The following LMX1B variants were observed in gnomAD, a reference collection of about 807,000 sequenced individuals.
LMX1B encodes LIM homeobox transcription factor 1-beta.
In LMX1B, 12 loss-of-function variants were observed where a neutral mutation model predicts 51.4. That is an observed-to-expected ratio of 0.23 (90% confidence interval 0.15 to 0.38). LMX1B has a LOEUF of 0.38. Ranked by LOEUF, LMX1B falls within the 10% of genes least tolerant of loss-of-function variation. The probability of loss-of-function intolerance (pLI) is 1.00; values close to 1 mark genes in which losing one functional copy is unlikely to be tolerated. For synonymous variants in LMX1B, 237 were observed against 235.4 expected (o/e 1.01, Z -0.06); for missense variants, 445 against 571.1 (o/e 0.78, Z 2.25).
At position 126,693,335 on chromosome 9, in the gene LMX1B, CCGG is replaced by C. The variant is rs2030207243; in HGVS notation, c.741+13_741+15del. The C allele has an allele frequency of 1.9e-6, 3 of 1,584,796 alleles. No homozygotes were observed. The highest frequency in any genetic ancestry group is 1.4e-5 in the African/African-American group (1 of 74,054). ...AGCCTTGCCGAAAGGTGAGGGGCGG[CCGG>C]GGGGCGGGGCTCAGGCTGATGCCCG... On this transcript the variant is annotated intron_variant, in intron 4 of 7. Coordinates refer to ENST00000373474, the MANE Select transcript of LMX1B (RefSeq NM_001174147.2).
At chr9:126,638,778 C>G (rs1481830522) in intron 2 of LMX1B, among the ~76,000 whole-genome samples, 1 of 152,120 alleles carries the variant, frequency 6.6e-6, no homozygotes, top group Non-Finnish European at 1.5e-5. Flanking sequence ...CACGGGCCGG[C>G]GGCGCGGGCG....
intron 2 of LMX1B, among the ~76,000 whole-genome samples, chr9:126,621,883 C>T (rs1835420678): frequency 6.6e-6 from 1 of 152,106 alleles, no homozygotes; most frequent in East Asian, 1.9e-4. Flanking sequence ...TAAGGGGCCA[C>T]TGTGCTCGGA....
chr9:126,699,975 GGGCAGGGGGAGTCTT>G lies in LMX1B; in HGVS notation c.*3529_*3543del, dbSNP rs975873001. 1.2e-4 allele frequency: 19 copies of G among 152,250 alleles called. No individual in the cohort carries two copies. The highest frequency in any genetic ancestry group is 2.4e-4 in the Non-Finnish European group (16 of 68,068). The allele number at this position is 152,250 out of a possible 1,614,324, so 9.4% of individuals were successfully genotyped here. Reference sequence around the variant, plus strand: ...TCCAGAGCAAAAGAGAATGAGAGGTGGGCAGGGGGAGTCTTGGCAAAAGACCAAGTTCCACTTCCC... The same window carrying G: ...TCCAGAGCAAAAGAGAATGAGAGGTGGGCAAAAGACCAAGTTCCACTTCCC... On this transcript the variant is annotated 3_prime_UTR_variant, in exon 8 of 8. Transcript: ENST00000373474.
At chr9:126,634,609 C>A (rs560232529) in intron 2 of LMX1B, among the ~76,000 whole-genome samples, 3 of 152,176 alleles carry the variant, frequency 2.0e-5, no homozygotes, top group East Asian at 3.9e-4. Flanking sequence ...CACACCCCCC[C>A]CACAATGCCA....
At chr9:126,662,348 C>G (rs1836262171) in intron 2 of LMX1B, among the ~76,000 whole-genome samples, 1 of 152,156 alleles carries the variant, frequency 6.6e-6, no homozygotes, top group Non-Finnish European at 1.5e-5. Context: ...CATTACTATA[C>G]CTTCTCAGGA....
chr9:126,647,909 G>A (rs1261617289), intron 2 of LMX1B, among the ~76,000 whole-genome samples: 1 of 152,228 alleles, frequency 6.6e-6, no homozygotes. Flanking sequence ...TCTCCCCAGA[G>A]ATCCGACATC....
intron 2 of LMX1B, among the ~76,000 whole-genome samples, chr9:126,639,590 A>G (rs1014556946): frequency 1.3e-5 from 2 of 152,202 alleles, no homozygotes; most frequent in Non-Finnish European, 2.9e-5. Context: ...CCCAACAATA[A>G]TAATCCCAGC....
rs762958008 is a variant in LMX1B, at chr9:126,677,454, G to T, written c.327-13382G>T. Among the ~76,000 whole-genome samples, 1 of 152,188 alleles carries T rather than the reference G, an allele frequency of 6.6e-6. No homozygotes were observed. The highest frequency in any genetic ancestry group is 1.5e-5 in the Non-Finnish European group (1 of 68,030). On this transcript the variant is annotated intron_variant, in intron 2 of 7. Transcript: ENST00000373474. This position sits in a 1 kb window ranked among gnomAD's most constrained non-coding sequence, Gnocchi z 5.0. ...AAAAGCCCGGCACAACAGGTCACTG[G>T]CTAGAAGCAGGTATCAGGCTCCCAA...
chr9:126,682,961 T>C (rs1836704248), intron 2 of LMX1B, among the ~76,000 whole-genome samples: 1 of 145,662 alleles, frequency 6.9e-6, no homozygotes, highest in South Asian at 2.2e-4. Context: ...CATGTGGGCC[T>C]CCCTGGCCAG....
intron 2 of LMX1B, among the ~76,000 whole-genome samples, chr9:126,683,651 C>G (rs1836719248): frequency 6.6e-6 from 1 of 152,220 alleles, no homozygotes; most frequent in African/African-American, 2.4e-5. Context: ...CGCTTACTGT[C>G]CGACATGCTC....
intron 2 of LMX1B, among the ~76,000 whole-genome samples, chr9:126,644,052 A>G (rs2118887235): frequency 6.6e-6 from 1 of 152,270 alleles, no homozygotes; most frequent in South Asian, 2.1e-4. Flanking sequence ...GCCCAGCAGC[A>G]GAGAGGAGAA....
chr9:126,689,303 G>A (rs1431924765), intron 2 of LMX1B, among the ~76,000 whole-genome samples: 1 of 152,230 alleles, frequency 6.6e-6, no homozygotes, highest in East Asian at 1.9e-4. Context: ...GGGCGGTTCT[G>A]ACGGCAGCTC....
At chr9:126,623,180 CTG>C in intron 2 of LMX1B, among the ~76,000 whole-genome samples, 1 of 152,310 alleles carries the variant, frequency 6.6e-6, no homozygotes. Context: ...GGTTGGGAGC[CTG>C]TGTTTTTATT....
intron 2 of LMX1B, among the ~76,000 whole-genome samples, chr9:126,688,430 G>C (rs1490494031): frequency 6.6e-6 from 1 of 152,234 alleles, no homozygotes. Flanking sequence ...GCAGCGACAC[G>C]GCCAGTGTCT....
intron 2 of LMX1B, 108 bp from the exon 3 acceptor site, chr9:126,690,728 C>T (rs1004969408): frequency 7.5e-6 from 7 of 937,438 alleles, no homozygotes; most frequent in Non-Finnish European, 1.2e-5. Flanking sequence ...CTCTCCCTCC[C>T]ACCTGGGCCT....
At chr9:126,686,013 T>C (rs1279978686) in intron 2 of LMX1B, among the ~76,000 whole-genome samples, 2 of 152,248 alleles carry the variant, frequency 1.3e-5, no homozygotes, top group East Asian at 3.9e-4. Flanking sequence ...GAAGCCAATG[T>C]TACTGGAGGT....
In LMX1B at chr9:126,673,362, A is replaced by G. The variant is rs1451575165; in HGVS notation, c.327-17474A>G. 1.3e-5 allele frequency among the ~76,000 whole-genome samples: 2 copies of G among 151,970 alleles called. No homozygotes were observed. The highest frequency in any genetic ancestry group is 3.9e-4 in the East Asian group (2 of 5,168). On this transcript the variant is annotated intron_variant, in intron 2 of 7. Transcript: ENST00000373474. The surrounding 1 kb of genome is among the most constrained non-coding windows in gnomAD (Gnocchi z 4.4). ...GGACTTCCTGGGCGTCTGACACACC[A>G]GGCCCCACAAACAACTCCGCACCAG...
intron 2 of LMX1B, among the ~76,000 whole-genome samples, chr9:126,642,020 A>G (rs535746032): frequency 1.3e-5 from 2 of 151,848 alleles, no homozygotes; most frequent in African/African-American, 4.8e-5. Context: ...TCCCCCAACA[A>G]CCCCTTCGAA....
chr9:126,657,102 T>G (rs1836132378), intron 2 of LMX1B, among the ~76,000 whole-genome samples: 1 of 152,252 alleles, frequency 6.6e-6, no homozygotes, highest in Admixed American at 6.5e-5. Flanking sequence ...GCAGCACTTG[T>G]GCAATTTTTT....
Sources: allele counts gnomAD v4.1 joint callset (sites outside exome capture counted in the v4.1 genomes callset), GRCh38; gene constraint gnomAD v4.1.1; non-coding constraint Gnocchi (gnomAD v3.1); transcripts MANE v1.5; gene names NCBI Gene and HGNC (gene_info 2026-07-23, HGNC 2026-07-21).